Variants in WIPF1 observed in about 807,000 individuals in gnomAD.
WIPF1 encodes WAS/WASL-interacting protein family member 1.
Under a neutral mutation model 35.4 loss-of-function variants are expected in WIPF1, and 13 were observed. The ratio of observed to expected loss-of-function variants is 0.37; its 90% CI spans 0.24 to 0.58. The LOEUF (loss-of-function observed/expected upper bound fraction) is 0.58, where lower values mean the gene tolerates loss of function less well. Ranked by LOEUF, WIPF1 falls within the 20% of genes least tolerant of loss-of-function variation. WIPF1 has a pLI of 0.74. For synonymous variants in WIPF1, 267 were observed against 266.3 expected (o/e 1.00, Z -0.02); for missense variants, 591 against 667.0 (o/e 0.89, Z 1.25).
intron 1 of WIPF1, among the ~76,000 whole-genome samples, chr2:174,660,408 T>C (rs1002918058): frequency 9.9e-5 from 15 of 152,216 alleles, no homozygotes; most frequent in African/African-American, 2.7e-4. Flanking sequence ...GTAGGTGCTC[T>C]ATAAACATTT....
Position 174,581,385 on chromosome 2 carries a change from G to T in WIPF1, c.106C>A (p.Leu36Ile). The T allele has an allele frequency of 6.2e-7, 1 of 1,614,058 alleles. No individual in the cohort carries two copies. Among genetic ancestry groups the T allele is most frequent in the South Asian group, 1.1e-5 (1 of 91,076 alleles). The change falls in exon 3 of 8, where the codon CTC (leucine) becomes ATC (isoleucine). Residue 36 changes from leucine to isoleucine, a missense_variant. Physicochemically the swap from Leu to Ile is conservative, Grantham distance 5. Around this residue, in one of 3 missense-constraint regions of WIPF1, gnomAD observed 471 missense variants for 501.1 expected, o/e 0.94. Transcript: ENST00000679041. ...NKTEQAGRNA[L>I]LSDISKGKKL... Reference sequence around the variant, plus strand: ...TTCCCTTTGCTGATATCAGAAAGGAGAGCATTTCTCCCAGCCTGCTCTGTC... The same window carrying T: ...TTCCCTTTGCTGATATCAGAAAGGATAGCATTTCTCCCAGCCTGCTCTGTC...
chr2:174,663,616 G>A (rs965420151), intron 1 of WIPF1, among the ~76,000 whole-genome samples: 18 of 152,262 alleles, frequency 1.2e-4, no homozygotes, highest in African/African-American at 3.6e-4. Context: ...CCACTGGCAC[G>A]CCCCTGCCAT....
intron 1 of WIPF1, among the ~76,000 whole-genome samples, chr2:174,648,520 T>C (rs921370886): frequency 2.6e-5 from 4 of 152,226 alleles, no homozygotes; most frequent in Admixed American, 6.5e-5. Context: ...GTAACACTGA[T>C]GCAAGTGGAG....
At chr2:174,627,222 T>C (rs1027117546) in intron 1 of WIPF1, among the ~76,000 whole-genome samples, 4 of 152,200 alleles carry the variant, frequency 2.6e-5, no homozygotes, top group Non-Finnish European at 5.9e-5. Flanking sequence ...CTAATATACA[T>C]CACCTAGTAT....
intron 1 of WIPF1, among the ~76,000 whole-genome samples, chr2:174,667,913 A>ATAAACTCC (rs1687926989): frequency 6.6e-6 from 1 of 152,178 alleles, no homozygotes; most frequent in African/African-American, 2.4e-5. Flanking sequence ...AAATGACTTG[A>ATAAACTCC]GCCAGAAGTT....
intron 1 of WIPF1, among the ~76,000 whole-genome samples, chr2:174,671,504 G>C (rs1382042020): frequency 1.3e-5 from 2 of 152,210 alleles, no homozygotes; most frequent in South Asian, 2.1e-4. Context: ...GGGAACAAGG[G>C]AGATAACCAT....
At chr2:174,587,942 G>A (rs947310267) in intron 1 of WIPF1, among the ~76,000 whole-genome samples, 3 of 152,116 alleles carry the variant, frequency 2.0e-5, no homozygotes, top group African/African-American at 7.3e-5. Context: ...TTCTTTTAAA[G>A]TCTGTTTCTT....
intron 1 of WIPF1, among the ~76,000 whole-genome samples, chr2:174,621,037 G>C (rs1686657249): frequency 6.6e-6 from 1 of 152,142 alleles, no homozygotes; most frequent in South Asian, 2.1e-4. Flanking sequence ...GAGGTGTTAG[G>C]ACTCATGTAA....
chr2:174,602,493 A>G (rs1686040570), upstream of WIPF1, among the ~76,000 whole-genome samples: 1 of 152,262 alleles, frequency 6.6e-6, no homozygotes, highest in Non-Finnish European at 1.5e-5. Flanking sequence ...TAAAACTTAC[A>G]TTATTCCTTC....
At position 174,561,653 on chromosome 2, in the gene WIPF1, G is replaced by A. The variant is rs1684486718; in HGVS notation, c.*894C>T. On this transcript the variant is annotated 3_prime_UTR_variant, in exon 8 of 8. Coordinates refer to ENST00000679041, the MANE Select transcript of WIPF1 (RefSeq NM_001375834.1). ...GAAGGTCAAACTGTGTGTCAAACAA[G>A]GTGCTGGGTCCTAATTTTATTTTTA... The A allele has an allele frequency of 6.2e-6, 1 of 161,622 alleles. No individual in the cohort carries two copies. The highest frequency in any genetic ancestry group is 1.7e-4 in the East Asian group (1 of 5,742). 10.0% of individuals were successfully genotyped at this position (161,622 alleles called of 1,614,324 possible). A position where few individuals can be genotyped will look rare whatever the true frequency, so the allele number is the denominator to read the frequency against.
At chr2:174,619,670 TG>T (rs138868786) in intron 1 of WIPF1, among the ~76,000 whole-genome samples, 3,415 of 152,234 alleles carry the variant, frequency 0.022, 147 homozygotes, top group African/African-American at 0.078. Flanking sequence ...GGTCTGGGCA[TG>T]GTGGCTCACA....
chr2:174,666,314 C>T (rs1687889878), intron 1 of WIPF1, among the ~76,000 whole-genome samples: 1 of 152,212 alleles, frequency 6.6e-6, no homozygotes, highest in Non-Finnish European at 1.5e-5. Context: ...AGGTATCCAC[C>T]ACTGTCTATT....
chr2:174,579,121 G>A (rs924544886), intron 3 of WIPF1, among the ~76,000 whole-genome samples: 2 of 152,096 alleles, frequency 1.3e-5, no homozygotes, highest in African/African-American at 2.4e-5. Flanking sequence ...GGGTTCAAGC[G>A]ATTCTCCTGC....
upstream of WIPF1, among the ~76,000 whole-genome samples, chr2:174,602,057 G>A (rs117239028): frequency 1.3e-5 from 2 of 152,218 alleles, no homozygotes; most frequent in South Asian, 2.1e-4. Context: ...TGAAAGCCTG[G>A]ATGAATAAAG....
intron 1 of WIPF1, among the ~76,000 whole-genome samples, chr2:174,635,106 C>T (rs1687145740): frequency 6.6e-6 from 1 of 152,220 alleles, no homozygotes; most frequent in East Asian, 1.9e-4. Flanking sequence ...CTGCAGCAAC[C>T]ATGGCTACAC....
chr2:174,585,602 G>T lies in WIPF1; in HGVS notation c.-29C>A, dbSNP rs201978953. On this transcript the variant is annotated 5_prime_UTR_variant, in exon 2 of 8. Transcript: ENST00000679041. The stretch of plus-strand genomic sequence containing the variant: ...GGGCAGTTATGCGTTCAACAGTCTT[G>T]CTGATAAATCTGGAAAAACAAGAAT... 21 of 1,609,450 alleles carry T rather than the reference G, an allele frequency of 1.3e-5. No individual in the cohort carries two copies. Among genetic ancestry groups the T allele is most frequent in the Non-Finnish European group, 1.8e-5 (21 of 1,177,124 alleles).
At chr2:174,640,512 A>T (rs907822469) in intron 1 of WIPF1, among the ~76,000 whole-genome samples, 9 of 143,000 alleles carry the variant, frequency 6.3e-5, no homozygotes, top group African/African-American at 2.0e-4. Flanking sequence ...AAATAAAATT[A>T]AAAAAAAAAC....
intron 1 of WIPF1, among the ~76,000 whole-genome samples, chr2:174,632,076 C>T (rs1410394512): frequency 6.6e-6 from 1 of 152,200 alleles, no homozygotes; most frequent in East Asian, 1.9e-4. Flanking sequence ...TTAAAGGTGA[C>T]TTCATCTCTT....
At chr2:174,587,014 A>T (rs895136030) in intron 1 of WIPF1, among the ~76,000 whole-genome samples, 2 of 151,546 alleles carry the variant, frequency 1.3e-5, no homozygotes, top group African/African-American at 4.8e-5. Context: ...ATTTTTTTAA[A>T]TTTTTTTTTG....
Sources: gnomAD v4.1 joint callset for allele counts (sites outside exome capture counted in the v4.1 genomes callset) on GRCh38, gnomAD v4.1.1 for gene constraint, gnomAD v4.1.1 regional missense constraint, MANE v1.5 for transcripts, NCBI Gene and HGNC (gene_info 2026-07-23, HGNC 2026-07-21) for gene names.